CAPN5: variants seen among roughly 807,000 people sequenced by gnomAD.
CAPN5 encodes the protein calpain 5, also known as calpain-5.
In CAPN5, 54 loss-of-function variants were observed where a neutral mutation model predicts 73.0. That is an observed-to-expected ratio of 0.74 (90% CI 0.59 to 0.93). The LOEUF (loss-of-function observed/expected upper bound fraction) is 0.93, where lower values mean the gene tolerates loss of function less well. CAPN5 is among the 40% of genes least tolerant of loss of function. The probability of loss-of-function intolerance (pLI) is 0.00; values close to 1 mark genes in which losing one functional copy is unlikely to be tolerated. For missense variants in CAPN5, 785 were observed against 882.9 expected, an observed-to-expected ratio of 0.89 and a Z score of 1.41; for synonymous variants, 335 against 356.9, an observed-to-expected ratio of 0.94 and a Z score of 0.69.
intron 1 of CAPN5, among the ~76,000 whole-genome samples, chr11:77,082,369 G>C (rs931214962): frequency 6.6e-6 from 1 of 152,202 alleles, no homozygotes; most frequent in African/African-American, 2.4e-5. Flanking sequence ...GAAGTGCTAC[G>C]GGCCTAAGCT....
At chr11:77,096,059 G>T (rs1318908572) in intron 3 of CAPN5, among the ~76,000 whole-genome samples, 1 of 152,178 alleles carries the variant, frequency 6.6e-6, no homozygotes, top group Non-Finnish European at 1.5e-5. Context: ...CCTCGTCCCT[G>T]TTGACTGGGC....
rs1341743610 is a variant in CAPN5, at chr11:77,093,598, CGTCTGTGTCT to C, written c.166-80_166-71del. 1,767 of 864,986 alleles carry C rather than the reference CGTCTGTGTCT, an allele frequency of 2.0e-3. 17 individuals are homozygous for C. The East Asian group carries it at 0.029, about 14-fold the overall frequency. The allele number at this position is 864,986 out of a possible 1,614,324, so 53.6% of individuals were successfully genotyped here. A position where few individuals can be genotyped will look rare whatever the true frequency, so the allele number is the denominator to read the frequency against. ...TCACACAGCAAGTCTGTGTCTGTCA[CGTCTGTGTCT>C]GTCATGTCTCCTGCCATGGGGGGCA... On this transcript the variant is annotated intron_variant, in intron 2 of 12. Coordinates refer to ENST00000648180, the MANE Select transcript of CAPN5 (RefSeq NM_004055.5).
chr11:77,095,091 G>GCC (rs1163884732), intron 3 of CAPN5, among the ~76,000 whole-genome samples: 1 of 152,320 alleles, frequency 6.6e-6, no homozygotes, highest in Non-Finnish European at 1.5e-5. Flanking sequence ...CTGCTGTAGG[G>GCC]CCCCTGGGGC....
At chr11:77,103,790 C>T (rs567130997) in intron 3 of CAPN5, among the ~76,000 whole-genome samples, 9 of 152,366 alleles carry the variant, frequency 5.9e-5, no homozygotes, top group Non-Finnish European at 1.3e-4. Flanking sequence ...GCATTCACTG[C>T]TCCCTGGCCT....
intron 1 of CAPN5, chr11:77,072,854 AAT>A (rs1949923512): frequency 3.5e-5 from 11 of 310,608 alleles, no homozygotes; most frequent in South Asian, 2.7e-4. Flanking sequence ...CAGATTGAAA[AAT>A]AGTGTGTAGT....
intron 3 of CAPN5, among the ~76,000 whole-genome samples, chr11:77,106,224 C>T (rs1376735324): frequency 6.6e-6 from 1 of 152,054 alleles, no homozygotes; most frequent in Admixed American, 6.5e-5. Context: ...TTCACACACC[C>T]CTCACAGCAT....
intron 3 of CAPN5, chr11:77,103,214 T>G: frequency 6.2e-7 from 1 of 1,613,680 alleles, no homozygotes. Context: ...CCCTGGAGTT[T>G]GGGGAGCGCC....
At chr11:77,070,186 G>C (rs1312490993) in intron 1 of CAPN5, among the ~76,000 whole-genome samples, 10 of 152,214 alleles carry the variant, frequency 6.6e-5, no homozygotes, top group Non-Finnish European at 1.0e-4. Context: ...GTGGGCAACA[G>C]CTGAGGCTGC....
At chr11:77,116,156 T>C (rs1950466065) in intron 6 of CAPN5, 70 bp from the exon 7 acceptor site, 1 of 1,453,582 alleles carries the variant, frequency 6.9e-7, no homozygotes, top group African/African-American at 1.4e-5. Context: ...TCCTCGCCTT[T>C]GCCAGACAGA....
At chr11:77,093,418 T>TGAA in intron 2 of CAPN5, among the ~76,000 whole-genome samples, 1 of 152,272 alleles carries the variant, frequency 6.6e-6, no homozygotes, top group East Asian at 1.9e-4. Context: ...CACAGGTTCT[T>TGAA]CATCAGCAAA....
chr11:77,119,332 C>A, intron 9 of CAPN5, 180 bp downstream of exon 9: 1 of 659,630 alleles, frequency 1.5e-6, no homozygotes, highest in African/African-American at 1.8e-5. Context: ...ACAGAGGGCC[C>A]AGCCTGCCCA....
intron 3 of CAPN5, chr11:77,103,119 C>G (rs913823036): frequency 6.2e-7 from 1 of 1,613,898 alleles, no homozygotes; most frequent in African/African-American, 1.3e-5. Context: ...CCTCACCAAC[C>G]TCATGACACG....
In CAPN5 at chr11:77,124,588, C is replaced by A; in HGVS notation, c.*718C>A. The A allele has an allele frequency of 6.6e-6, 1 of 152,652 alleles. No individual in the cohort carries two copies. 9.5% of individuals were successfully genotyped at this position (152,652 alleles called of 1,614,324 possible). A position where few individuals can be genotyped will look rare whatever the true frequency, so the allele number is the denominator to read the frequency against. On this transcript the variant is annotated 3_prime_UTR_variant, in exon 13 of 13. Transcript: ENST00000648180. ...TGCCTGCTCATTCTAGCTTCCGATT[C>A]CATTCCCAGCCCCTGCGTTAAGGTC...
Position 77,097,464 on chromosome 11 carries a change from GTTTTTTTTTTT to G in CAPN5, c.297+3666_297+3676del, listed in dbSNP as rs58077755. On this transcript the variant is annotated intron_variant, in intron 3 of 12. Transcript: ENST00000648180. The stretch of plus-strand genomic sequence containing the variant: ...AAGGGGTTTCCTGTGTTTCCTTCTA[GTTTTTTTTTTT>G]TTTTTTTTTTTTTTATTGATAATTC... Among the ~76,000 whole-genome samples the G allele has an allele frequency of 4.5e-3, 358 of 79,748 alleles. 4 individuals carry two copies. Among genetic ancestry groups the G allele is most frequent in the African/African-American group, 0.016 (343 of 20,888 alleles). 52.3% of individuals were successfully genotyped at this position (79,748 alleles called of 152,430 possible). A position where few individuals can be genotyped will look rare whatever the true frequency, so the allele number is the denominator to read the frequency against.
At chr11:77,083,330 T>C (rs1218759524) in intron 1 of CAPN5, among the ~76,000 whole-genome samples, 1 of 152,134 alleles carries the variant, frequency 6.6e-6, no homozygotes, top group East Asian at 1.9e-4. Context: ...CCTCTTTCCT[T>C]TCCTGTCTCT....
Position 77,114,237 on chromosome 11 carries a change from C to T in CAPN5, c.507-5C>T. ...GCTGGGAAGTCTTTCCACATTGCTT[C>T]CCAGACTGGCAGGCTGTTACCAGGC... On this transcript the variant is annotated splice_region_variant and splice_polypyrimidine_tract_variant and intron_variant, in intron 4 of 12. Coordinates refer to ENST00000648180, the MANE Select transcript of CAPN5 (RefSeq NM_004055.5). 6.2e-7 allele frequency: 1 copy of T among 1,613,518 alleles called. No individual in the cohort carries two copies. The highest frequency in any genetic ancestry group is 8.5e-7 in the Non-Finnish European group (1 of 1,179,488).
In CAPN5 at chr11:77,112,804, G is replaced by A. The variant is rs782220479; in HGVS notation, c.506+7G>A. ...TGGAGAAGGCCTATGCCAAGTAGGTGCCAGCAGCAGGCAGGTGGGTGGGAG... is the reference window on the plus strand; with the variant it reads ...TGGAGAAGGCCTATGCCAAGTAGGTACCAGCAGCAGGCAGGTGGGTGGGAG... On this transcript the variant is annotated splice_region_variant and intron_variant, in intron 4 of 12. Transcript: ENST00000648180. 6.2e-7 allele frequency: 1 copy of A among 1,613,860 alleles called. No individual in the cohort carries two copies.
chr11:77,075,467 A>C (rs1949959517), intron 1 of CAPN5, among the ~76,000 whole-genome samples: 1 of 152,202 alleles, frequency 6.6e-6, no homozygotes, highest in Non-Finnish European at 1.5e-5. Context: ...GGAGGCTTGC[A>C]GAAGGTCACA....
rs1555039072 is a variant in CAPN5, at chr11:77,102,765, G to C, written c.297+8952G>C. 2.4e-5 allele frequency: 35 copies of C among 1,444,938 alleles called. No homozygotes were observed. In the East Asian group the frequency reaches 8.5e-4, roughly 35 times the overall value. 89.5% of individuals were successfully genotyped at this position (1,444,938 alleles called of 1,614,324 possible). On this transcript the variant is annotated intron_variant, in intron 3 of 12. Coordinates refer to ENST00000648180, the MANE Select transcript of CAPN5 (RefSeq NM_004055.5). ...AGAAAGTAGGTGGGGCCCCCCTTTG[G>C]TGGCCTCTTCTCTCCACGGCCCCAG...
Sources: gnomAD v4.1 joint callset for allele counts (sites outside exome capture counted in the v4.1 genomes callset) on GRCh38, gnomAD v4.1.1 for gene constraint, MANE v1.5 for transcripts, NCBI Gene and HGNC (gene_info 2026-07-23, HGNC 2026-07-21) for gene names.